SCN3A: variants seen among roughly 807,000 people sequenced by gnomAD.
SCN3A encodes the protein sodium voltage-gated channel alpha subunit 3.
Under a neutral mutation model 187.6 loss-of-function variants are expected in SCN3A, and 60 were observed. The observed-to-expected ratio is 0.32, with a 90% confidence interval of 0.26 to 0.40. The LOEUF is 0.40. Ranked by LOEUF, SCN3A falls within the 10% of genes least tolerant of loss-of-function variation. The pLI is 1.00. For missense variants in SCN3A, 1,601 were observed against 2,428.2 expected (o/e 0.66, Z 7.16); for synonymous variants, 788 against 829.2 (o/e 0.95, Z 0.85).
chr2:165,180,030 T>A (rs538414284), intron 2 of SCN3A, among the ~76,000 whole-genome samples: 2 of 152,150 alleles, frequency 1.3e-5, no homozygotes, highest in East Asian at 3.9e-4. Flanking sequence ...TACAGAGCTA[T>A]CTTTGCAAGG....
chr2:165,095,994 G>A (rs553870925), intron 24 of SCN3A, among the ~76,000 whole-genome samples: 18 of 152,148 alleles, frequency 1.2e-4, no homozygotes, highest in Non-Finnish European at 1.5e-4. Context: ...TTGGAAATAC[G>A]GCTTTAAGAG....
intron 3 of SCN3A, among the ~76,000 whole-genome samples, chr2:165,170,969 G>A (rs1364797745): frequency 1.3e-5 from 2 of 151,798 alleles, no homozygotes; most frequent in Non-Finnish European, 2.9e-5. Context: ...GTTTATGATG[G>A]CTTCTGATTG....
At position 165,140,633 on chromosome 2, in the gene SCN3A, T is replaced by A. The variant is rs777099790; in HGVS notation, c.2019+18A>T. 5 of 1,595,364 alleles carry A rather than the reference T, an allele frequency of 3.1e-6. No individual in the cohort carries two copies. The South Asian group carries it at 5.5e-5, about 18-fold the overall frequency. On this transcript the variant is annotated intron_variant, in intron 13 of 27. Coordinates refer to ENST00000283254, the MANE Select transcript of SCN3A (RefSeq NM_006922.4). The surrounding 1 kb of genome is among the most constrained non-coding windows in gnomAD (Gnocchi z 4.2). ...ATTGGTGAATAATGTCAGTAGCAGC[T>A]AGGTCATCTATTATCACCTCTGGGG...
Position 165,147,033 on chromosome 2 carries a change from T to A in SCN3A, c.1381-4A>T, listed in dbSNP as rs199597878. ...CAGCTGATGCTGCCGCAACTGCCTG[T>A]CATAAAACAAAGCCAGGCACTATTT... On this transcript the variant is annotated splice_region_variant and splice_polypyrimidine_tract_variant and intron_variant, in intron 11 of 27. Coordinates refer to ENST00000283254, the MANE Select transcript of SCN3A (RefSeq NM_006922.4). The A allele has an allele frequency of 8.1e-6, 13 of 1,613,908 alleles. No individual in the cohort carries two copies. The highest frequency in any genetic ancestry group is 3.3e-4 in the Middle Eastern group (2 of 6,062).
intron 1 of SCN3A, among the ~76,000 whole-genome samples, chr2:165,191,542 A>T (rs896945923): frequency 1.3e-5 from 2 of 152,202 alleles, no homozygotes; most frequent in African/African-American, 2.4e-5. Flanking sequence ...AAGCACACAC[A>T]GACTATTCCC....
At chr2:165,103,548 T>C (rs980278806) in intron 21 of SCN3A, among the ~76,000 whole-genome samples, 1 of 152,176 alleles carries the variant, frequency 6.6e-6, no homozygotes, top group African/African-American at 2.4e-5. Flanking sequence ...AGGTACCATA[T>C]CACACTACAC....
rs1574301546 is a variant in SCN3A at position 165,176,138 on chromosome 2, T to C, written c.257A>G (p.Asn86Ser). The C allele has an allele frequency of 6.2e-7, 1 of 1,613,326 alleles. No homozygotes were observed. The highest frequency in any genetic ancestry group is 8.5e-7 in the Non-Finnish European group (1 of 1,179,392). The change falls in exon 3 of 28, where the codon AAT (asparagine) becomes AGT (serine). Residue 86 changes from asparagine to serine, a missense_variant. Around this residue, in one of 11 missense-constraint regions of SCN3A, gnomAD observed 122 missense variants for 225.1 expected, o/e 0.54. Coordinates refer to ENST00000283254, the MANE Select transcript of SCN3A (RefSeq NM_006922.4). ...TCTAAAATCAATACTCACTTTCTTA[T>C]TGATATAGTAGGGATCCAGGTCCTC... ...PLEDLDPYYI[N>S]KKTFIVMNKG...
intron 11 of SCN3A, among the ~76,000 whole-genome samples, chr2:165,151,515 C>T (rs1456613227): frequency 6.6e-6 from 1 of 152,108 alleles, no homozygotes; most frequent in African/African-American, 2.4e-5. Context: ...GTTTTGAAGG[C>T]ACTGGACATC....
chr2:165,163,833 C>G (rs373492562), intron 6 of SCN3A, 124 bp from the exon 7 acceptor site: 1 of 1,613,844 alleles, frequency 6.2e-7, no homozygotes, highest in South Asian at 1.1e-5. Flanking sequence ...TCAGAGCTCT[C>G]AAGACTCTGA....
chr2:165,163,802 C>G (rs780024768), intron 6 of SCN3A, 93 bp from the exon 7 acceptor site: 2 of 1,613,706 alleles, frequency 1.2e-6, no homozygotes, highest in Non-Finnish European at 1.7e-6. Flanking sequence ...TTCTTCTTAC[C>G]TGGAATTACA....
chr2:165,147,090 G>A (rs945585070), intron 11 of SCN3A, 61 bp from the exon 12 acceptor site: 5 of 1,590,814 alleles, frequency 3.1e-6, no homozygotes, highest in Non-Finnish European at 4.3e-6. Flanking sequence ...AGTTGAGTAT[G>A]GTTAAAATAT....
At chr2:165,192,635 C>T (rs370951721) in intron 1 of SCN3A, among the ~76,000 whole-genome samples, 1 of 152,098 alleles carries the variant, frequency 6.6e-6, no homozygotes, top group Non-Finnish European at 1.5e-5. Context: ...TATTTCCATT[C>T]CTTAAAAGAC....
intron 7 of SCN3A, 92 bp downstream of exon 7, chr2:165,163,526 A>G (rs1455624898): frequency 7.1e-7 from 1 of 1,414,776 alleles, no homozygotes; most frequent in Non-Finnish European, 9.8e-7. Flanking sequence ...ATGAACTGTA[A>G]TAATAAGCAA....
chr2:165,176,014 G>A, intron 3 of SCN3A, 117 bp downstream of exon 3: 3 of 855,540 alleles, frequency 3.5e-6, no homozygotes, highest in South Asian at 1.7e-5. Flanking sequence ...ACAGTGAAGA[G>A]TATTATAAAA....
chr2:165,176,254 G>A lies in SCN3A; in HGVS notation c.141C>T (p.Asn47=). The A allele has an allele frequency of 1.2e-6, 2 of 1,612,412 alleles. No individual in the cohort carries two copies. The highest frequency in any genetic ancestry group is 1.7e-6 in the Non-Finnish European group (2 of 1,179,308). ...CCAAGTCACTATTTGGCTTTGGTTTGTTCTCATCATCATTATCTTGTTCCT... is the reference window on the plus strand; with the variant it reads ...CCAAGTCACTATTTGGCTTTGGTTTATTCTCATCATCATTATCTTGTTCCT... ...PKKEQDNDDE[N]KPKPNSDLEA... is the part of the protein sequence containing the mutation. Residue 47 remains asparagine (N), a synonymous_variant, in exon 3 of 28, where the codon AAC becomes AAT. Transcript: ENST00000283254.
rs541942100 is a variant in SCN3A at position 165,195,806 on chromosome 2, A to G, written c.-248+8017T>C. Among the ~76,000 whole-genome samples the G allele has an allele frequency of 1.5e-3, 225 of 152,216 alleles. 1 individual carries two copies. Among genetic ancestry groups the G allele is most frequent in the Non-Finnish European group, 2.4e-3 (164 of 67,998 alleles). On this transcript the variant is annotated intron_variant, in intron 1 of 27. Transcript: ENST00000283254. ...ACCAATGCATAAGAGGGAGCTGACT[A>G]TTGTTTTCATGGTGTATCTTAACTC...
intron 18 of SCN3A, among the ~76,000 whole-genome samples, chr2:165,122,079 T>C (rs2105741101): frequency 6.6e-6 from 1 of 152,202 alleles, no homozygotes; most frequent in South Asian, 2.1e-4. Flanking sequence ...CTTTTTTAAG[T>C]TACAATGATC....
chr2:165,097,385 G>A lies in SCN3A; in HGVS notation c.4106C>T (p.Thr1369Met), dbSNP rs754584273. 1.3e-5 allele frequency: 21 copies of A among 1,613,818 alleles called. No homozygotes were observed. The highest frequency in any genetic ancestry group is 4.5e-5 in the East Asian group (2 of 44,878). ...GKFYHCVNMT[T>M]GNMFDISDVN... ...ATCACTAATGTCAAACATGTTACCC[G>A]TTGTCATGTTAACACAGTGGTAGAA... Residue 1369 changes from threonine (T) to methionine (M), a missense_variant, in exon 23 of 28, where the codon ACG (threonine) becomes ATG (methionine). By Grantham distance (81) the Thr-to-Met change is moderately conservative (BLOSUM62 -1). Around this residue, in one of 11 missense-constraint regions of SCN3A, gnomAD observed 320 missense variants for 623.2 expected, o/e 0.51. Coordinates refer to ENST00000283254, the MANE Select transcript of SCN3A (RefSeq NM_006922.4).
chr2:165,161,149 T>TTG (rs1689360478), intron 9 of SCN3A, among the ~76,000 whole-genome samples: 1 of 145,492 alleles, frequency 6.9e-6, no homozygotes, highest in Non-Finnish European at 1.5e-5. Context: ...TTTTTTTTTT[T>TTG]TTTTTTTTTT....
Sources: gnomAD v4.1 joint callset for allele counts (sites outside exome capture counted in the v4.1 genomes callset) on GRCh38, gnomAD v4.1.1 for gene constraint, gnomAD v4.1.1 regional missense constraint, Gnocchi (gnomAD v3.1) non-coding constraint, MANE v1.5 for transcripts, NCBI Gene and HGNC (gene_info 2026-07-23, HGNC 2026-07-21) for gene names.